CXCL9: variants seen among roughly 807,000 people sequenced by gnomAD.
CXCL9 encodes the protein C-X-C motif chemokine 9.
In CXCL9, 8 loss-of-function variants were observed where a neutral mutation model predicts 11.7. The ratio of observed to expected loss-of-function variants is 0.68; its 90% CI spans 0.40 to 1.23. The LOEUF (loss-of-function observed/expected upper bound fraction) is 1.23. CXCL9 is among the 50% of genes most tolerant of loss of function. CXCL9 has a pLI of 0.01. For synonymous variants in CXCL9, 43 were observed against 48.2 expected (o/e 0.89, Z 0.45); for missense variants, 133 against 141.7 (o/e 0.94, Z 0.31).
intron 1 of CXCL9, 65 bp downstream of exon 1, chr4:76,007,321 C>T (rs1731606925): frequency 2.2e-6 from 2 of 905,300 alleles, no homozygotes; most frequent in Non-Finnish European, 3.8e-6. Flanking sequence ...CTTTATCTGG[C>T]TAATCAAGAT....
At chr4:76,003,734 G>T in intron 3 of CXCL9, 35 bp from the exon 4 acceptor site, 1 of 1,230,848 alleles carries the variant, frequency 8.1e-7, no homozygotes, top group Non-Finnish European at 1.2e-6. Context: ...CAATGTTTCT[G>T]AATCTTACCA....
At chr4:76,004,926 C>T (rs1020708418) in intron 2 of CXCL9, 33 bp from the exon 3 acceptor site, 1 of 1,503,000 alleles carries the variant, frequency 6.7e-7, no homozygotes, top group Non-Finnish European at 8.9e-7. Context: ...ATAGTTTTTT[C>T]TCATTAATAA....
intron 2 of CXCL9, 151 bp from the exon 3 acceptor site, chr4:76,005,044 A>T (rs1731558698): frequency 1.1e-5 from 10 of 944,888 alleles, no homozygotes; most frequent in Non-Finnish European, 1.4e-5. Context: ...CACTGGTTGA[A>T]TTTTTTTTTT....
chr4:76,002,912 G>A lies in CXCL9; in HGVS notation c.*686C>T, dbSNP rs1389325634. 6.6e-6 allele frequency: 1 copy of A among 152,560 alleles called. No individual in the cohort carries two copies. Among genetic ancestry groups the A allele is most frequent in the Non-Finnish European group, 1.5e-5 (1 of 68,276 alleles). 9.5% of individuals were successfully genotyped at this position (152,560 alleles called of 1,614,324 possible). On this transcript the variant is annotated 3_prime_UTR_variant, in exon 4 of 4. Coordinates refer to ENST00000264888, the MANE Select transcript of CXCL9 (RefSeq NM_002416.3). Reference sequence around the variant, plus strand: ...GAGAGAAGAAAGGCACTGCATTGTGGTAGGATGGAGAAGAGCTGACTTGAA... The same window carrying A: ...GAGAGAAGAAAGGCACTGCATTGTGATAGGATGGAGAAGAGCTGACTTGAA...
Position 76,004,846 on chromosome 4 carries a change from G to T in CXCL9, c.239C>A (p.Ala80Glu), listed in dbSNP as rs746164300. ...GVQTCLNPDS[A>E]DVKELIKKWE... ...CTTTTTAATCAGTTCCTTCACATCT[G>T]CTGAATCTGGGTTTAGACATGTTTG... is the stretch of plus-strand genomic sequence containing the variant. Residue 80 changes from alanine (A) to glutamate (E), a missense_variant, in exon 3 of 4, where the codon GCA (alanine) becomes GAA (glutamate). Ala to Glu is a moderately radical substitution (Grantham distance 107). Transcript: ENST00000264888. 3 of 1,609,184 alleles carry T rather than the reference G, an allele frequency of 1.9e-6. No homozygotes were observed. The highest frequency in any genetic ancestry group is 2.2e-5 in the South Asian group (2 of 89,470).
intron 3 of CXCL9, 78 bp from the exon 4 acceptor site, chr4:76,003,777 CATT>C: frequency 1.2e-6 from 1 of 838,194 alleles, no homozygotes; most frequent in Non-Finnish European, 2.0e-6. Flanking sequence ...CTCTCCTGAT[CATT>C]GTCTCATACC....
chr4:76,005,534 A>G (rs1033393552), intron 2 of CXCL9: 2 of 152,320 alleles, frequency 1.3e-5, no homozygotes, highest in Non-Finnish European at 2.9e-5. Flanking sequence ...ATACTGCCAC[A>G]GTAAGTTTTA....
chr4:76,005,050 T>A (rs1409891513), intron 2 of CXCL9, 157 bp from the exon 3 acceptor site: 9 of 1,181,914 alleles, frequency 7.6e-6, no homozygotes, highest in Non-Finnish European at 9.7e-6. Flanking sequence ...TTGAATTTTT[T>A]TTTTTTTCTT....
chr4:76,006,832 C>G (rs951027772), intron 1 of CXCL9, among the ~76,000 whole-genome samples: 4 of 152,158 alleles, frequency 2.6e-5, no homozygotes, highest in Non-Finnish European at 4.4e-5. Context: ...TTGAAAACCC[C>G]TTAAAATACA....
chr4:76,007,493 A>G lies in CXCL9; in HGVS notation c.-44T>C. ...CAAGTCACTCCTGTATTGGATTTTG[A>G]GCCTGAGAAATTCTTTAGAGAACAC... On this transcript the variant is annotated 5_prime_UTR_variant, in exon 1 of 4. Transcript: ENST00000264888. 9.3e-7 allele frequency: 1 copy of G among 1,079,508 alleles called. No individual in the cohort carries two copies. Among genetic ancestry groups the G allele is most frequent in the East Asian group, 2.4e-5 (1 of 42,484 alleles). The allele number at this position is 1,079,508 out of a possible 1,614,324, so 66.9% of individuals were successfully genotyped here.
rs1731467748 is a variant in CXCL9, at chr4:76,001,669, G to C, written c.*1929C>G. ...AGTCTTTGGTTGTTAGTTATATACT[G>C]TCTACCTGTGAGATGCAAGGTAAGT... On this transcript the variant is annotated 3_prime_UTR_variant, in exon 4 of 4. Coordinates refer to ENST00000264888, the MANE Select transcript of CXCL9 (RefSeq NM_002416.3). 1 of 152,158 alleles carries C rather than the reference G, an allele frequency of 6.6e-6. No homozygotes were observed. Among genetic ancestry groups the C allele is most frequent in the South Asian group, 2.1e-4 (1 of 4,814 alleles). The allele number at this position is 152,158 out of a possible 1,614,324, so 9.4% of individuals were successfully genotyped here. A position where few individuals can be genotyped will look rare whatever the true frequency, so the allele number is the denominator to read the frequency against.
Position 76,006,267 on chromosome 4 carries a change from T to G in CXCL9, c.72A>C (p.Pro24=), listed in dbSNP as rs140548865. The change falls in exon 2 of 4, where the codon CCA becomes CCC. Residue 24 remains proline, a synonymous_variant. Transcript: ENST00000264888. The part of the protein sequence containing the change: ...LLVLIGVQGT[P]VVRKGRCSCI... ...AGGAACAGCGACCCTTTCTCACTACTGGGGTTCCTGAGGGAAAGAAAAAGA... is the reference window on the plus strand; with the variant it reads ...AGGAACAGCGACCCTTTCTCACTACGGGGGTTCCTGAGGGAAAGAAAAAGA... 76 of 1,613,422 alleles carry G rather than the reference T, an allele frequency of 4.7e-5. No individual in the cohort carries two copies. The East Asian group carries it at 1.7e-3, about 36-fold the overall frequency.
At position 76,006,281 on chromosome 4, in the gene CXCL9, G is replaced by A; in HGVS notation, c.65-7C>T. The A allele has an allele frequency of 6.2e-7, 1 of 1,612,012 alleles. No homozygotes were observed. Among genetic ancestry groups the A allele is most frequent in the African/African-American group, 1.3e-5 (1 of 74,884 alleles). On this transcript the variant is annotated splice_region_variant and splice_polypyrimidine_tract_variant and intron_variant, in intron 1 of 3. Coordinates refer to ENST00000264888, the MANE Select transcript of CXCL9 (RefSeq NM_002416.3). ...TTTCTCACTACTGGGGTTCCTGAGG[G>A]AAAGAAAAAGATAGAACACATCAGT...
At chr4:76,007,319 G>T in intron 1 of CXCL9, 67 bp downstream of exon 1, 1 of 896,498 alleles carries the variant, frequency 1.1e-6, no homozygotes, top group Non-Finnish European at 1.9e-6. Flanking sequence ...ACCTTTATCT[G>T]GCTAATCAAG....
At chr4:76,005,709 T>C (rs1731571382) in intron 2 of CXCL9, 1 of 152,978 alleles carries the variant, frequency 6.5e-6, no homozygotes, top group Non-Finnish European at 1.5e-5. Flanking sequence ...GTTCATGATA[T>C]AGTGTTAATG....
rs577102023 is a variant in CXCL9 at position 76,002,127 on chromosome 4, C to T, written c.*1471G>A. Reference sequence around the variant, plus strand: ...GCCTAAAATGAGTTTCGATAAGGATCTCGGTGGCTATCTTGTTAGATCTTA... The same window carrying T: ...GCCTAAAATGAGTTTCGATAAGGATTTCGGTGGCTATCTTGTTAGATCTTA... On this transcript the variant is annotated 3_prime_UTR_variant, in exon 4 of 4. Transcript: ENST00000264888. 1 of 395,798 alleles carries T rather than the reference C, an allele frequency of 2.5e-6. No homozygotes were observed. Among genetic ancestry groups the T allele is most frequent in the Non-Finnish European group, 4.4e-6 (1 of 224,858 alleles). 24.5% of individuals were successfully genotyped at this position (395,798 alleles called of 1,614,324 possible).
In CXCL9 at chr4:76,003,054, T is replaced by TG. The variant is rs1203214499; in HGVS notation, c.*543dup. The TG allele has an allele frequency of 6.6e-6, 1 of 152,370 alleles. No homozygotes were observed. The highest frequency in any genetic ancestry group is 1.5e-5 in the Non-Finnish European group (1 of 68,182). 9.4% of individuals were successfully genotyped at this position (152,370 alleles called of 1,614,324 possible). ...AAAGCCACACACTGGTGATCTCCAG[T>TG]GGTGATACCCAATAACAATCAGCAT... is the stretch of plus-strand genomic sequence containing the variant. On this transcript the variant is annotated 3_prime_UTR_variant, in exon 4 of 4. Transcript: ENST00000264888.
chr4:76,007,016 T>C (rs562266050), intron 1 of CXCL9, among the ~76,000 whole-genome samples: 1 of 152,156 alleles, frequency 6.6e-6, no homozygotes, highest in African/African-American at 2.4e-5. Context: ...AGTTAGTAAA[T>C]AGATTAGGGA....
In CXCL9 at chr4:76,003,688, C is replaced by G. The variant is rs1242351527; in HGVS notation, c.288G>C (p.Lys96Asn). 6.2e-7 allele frequency: 1 copy of G among 1,605,396 alleles called. No homozygotes were observed. Residue 96 changes from lysine to asparagine, a missense_variant, in exon 4 of 4, where the codon AAG (lysine) becomes AAC (asparagine). Transcript: ENST00000264888. ...GTTTTTTCCCATTCTTTTGCTTTTT[C>G]TTTTGGCTGACCTGTGAGAAGAAGG... ...IKKWEKQVSQ[K>N]KKQKNGKKHQ... is the part of the protein sequence containing the mutation.
Sources: gnomAD v4.1 joint callset for allele counts (sites outside exome capture counted in the v4.1 genomes callset) on GRCh38, gnomAD v4.1.1 for gene constraint, MANE v1.5 for transcripts, NCBI Gene and HGNC (gene_info 2026-07-23, HGNC 2026-07-21) for gene names.